Variants in TTC34 observed in about 807,000 individuals in gnomAD.
TTC34 encodes the protein tetratricopeptide repeat domain 34.
TTC34 carries 44 observed loss-of-function variants against 40.7 expected under a neutral mutation model. The observed-to-expected ratio is 1.08, with a 90% CI of 0.85 to 1.39. The LOEUF (loss-of-function observed/expected upper bound fraction) is 1.39, where lower values mean the gene tolerates loss of function less well. Ranked by LOEUF, TTC34 falls within the 40% of genes most tolerant of loss-of-function variation. The pLI is 0.00. For synonymous variants in TTC34, 422 were observed against 398.6 expected, an observed-to-expected ratio of 1.06 and a Z score of -0.70; for missense variants, 884 against 838.0, an observed-to-expected ratio of 1.05 and a Z score of -0.68.
At chr1:2,700,000 G>A (rs1463592648) in intron 6 of TTC34, among the ~76,000 whole-genome samples, 2 of 109,584 alleles carry the variant, frequency 1.8e-5, no homozygotes, top group African/African-American at 5.8e-5. Context: ...ACAGCCTGGA[G>A]CAGCGTCCAC....
At chr1:2,641,293 C>T (rs2100984343) in exon 9 of TTC34, 5 of 1,423,864 alleles carry the variant, frequency 3.5e-6, no homozygotes, top group Non-Finnish European at 4.6e-6. Context: ...GAGCTGGGTA[C>T]ACCCCTGGGC....
chr1:2,753,671 C>G (rs1641403463), intron 6 of TTC34, among the ~76,000 whole-genome samples: 2 of 102,526 alleles, frequency 2.0e-5, no homozygotes, highest in South Asian at 7.1e-4. Context: ...AGGTGAGCAT[C>G]TGAGAGCCTG....
At position 2,760,444 on chromosome 1, in the gene TTC34, C is replaced by A. The variant is rs1414053308; in HGVS notation, c.2226+23165G>T. 1.8e-4 allele frequency among the ~76,000 whole-genome samples: 10 copies of A among 55,432 alleles called. 3 individuals are homozygous for A. Among genetic ancestry groups the A allele is most frequent in the Admixed American group, 5.6e-4 (3 of 5,404 alleles). The allele number at this position is 55,432 out of a possible 152,430, so 36.4% of individuals were successfully genotyped here. The stretch of plus-strand genomic sequence containing the variant: ...CTGACAGCCTGGAGCAGCATCCACA[C>A]ACCCAGGCGAGAATCTGACAGCCTG... On this transcript the variant is annotated intron_variant, in intron 6 of 8. Transcript: ENST00000401095.
chr1:2,691,123 C>G (rs1157667356), intron 6 of TTC34, among the ~76,000 whole-genome samples: 1 of 73,700 alleles, frequency 1.4e-5, no homozygotes, highest in African/African-American at 4.5e-5. Context: ...ATCTGACAGC[C>G]TGGAACAGAA....
intron 6 of TTC34, among the ~76,000 whole-genome samples, chr1:2,686,207 G>A (rs1309136679): frequency 1.4e-5 from 2 of 145,418 alleles, no homozygotes; most frequent in African/African-American, 5.4e-5. Flanking sequence ...ACACCCCCAG[G>A]CGAGCATCTG....
At chr1:2,651,694 T>G (rs1639138715) in intron 6 of TTC34, among the ~76,000 whole-genome samples, 1 of 150,916 alleles carries the variant, frequency 6.6e-6, no homozygotes, top group Non-Finnish European at 1.5e-5. Flanking sequence ...GGTGAGCATC[T>G]GAAACCCTAC....
At chr1:2,673,370 C>T in intron 6 of TTC34, among the ~76,000 whole-genome samples, 1 of 68,898 alleles carries the variant, frequency 1.5e-5, no homozygotes, top group East Asian at 3.3e-4. Flanking sequence ...AGGCGAGCAT[C>T]TGAGGGCCTG....
At chr1:2,751,110 TG>T (rs1641304546) in intron 6 of TTC34, among the ~76,000 whole-genome samples, 1 of 93,138 alleles carries the variant, frequency 1.1e-5, no homozygotes, top group Non-Finnish European at 2.0e-5. Flanking sequence ...TCTGACAGCC[TG>T]GAACAGCACC....
intron 6 of TTC34, among the ~76,000 whole-genome samples, chr1:2,773,031 T>C (rs911376862): frequency 2.1e-5 from 3 of 146,080 alleles, no homozygotes; most frequent in African/African-American, 7.5e-5. Flanking sequence ...CAGGCGAGCA[T>C]CTGACAGCCT....
At chr1:2,768,018 C>T (rs550512341) in intron 6 of TTC34, among the ~76,000 whole-genome samples, 10 of 151,304 alleles carry the variant, frequency 6.6e-5, no homozygotes, top group Admixed American at 2.6e-4. Context: ...AGGTGAGCAT[C>T]TGACAGCATA....
At chr1:2,751,720 A>G (rs1641326919) in intron 6 of TTC34, among the ~76,000 whole-genome samples, 6 of 150,758 alleles carry the variant, frequency 4.0e-5, no homozygotes, top group Middle Eastern at 3.4e-3. Context: ...CTGGAGCAGC[A>G]CCCACACCCC....
intron 6 of TTC34, among the ~76,000 whole-genome samples, chr1:2,657,450 A>G (rs1481620011): frequency 1.1e-5 from 1 of 88,838 alleles, no homozygotes; most frequent in South Asian, 3.3e-4. Flanking sequence ...CTCATGGAGC[A>G]GCACCCACGC....
Position 2,773,152 on chromosome 1 carries a change from C to G in TTC34, c.2226+10457G>C, listed in dbSNP as rs551607358. On this transcript the variant is annotated intron_variant, in intron 6 of 8. Transcript: ENST00000401095. Reference sequence around the variant, plus strand: ...AGCACACACAACCCCAGGCGAGCATCTGACAGCCTGGAGCAGCGCCCACAC... The same window carrying G: ...AGCACACACAACCCCAGGCGAGCATGTGACAGCCTGGAGCAGCGCCCACAC... Among the ~76,000 whole-genome samples the G allele has an allele frequency of 2.1e-4, 31 of 146,544 alleles. No homozygotes were observed. The East Asian group carries it at 5.9e-3, about 28-fold the overall frequency.
At chr1:2,687,926 C>G (rs61765683) in intron 6 of TTC34, among the ~76,000 whole-genome samples, 2 of 133,628 alleles carry the variant, frequency 1.5e-5, no homozygotes. Context: ...AGCACCCACA[C>G]GCCCAGGTGA....
At chr1:2,755,771 A>T (rs1167814160) in intron 6 of TTC34, among the ~76,000 whole-genome samples, 192 of 51,742 alleles carry the variant, frequency 3.7e-3, no homozygotes, top group African/African-American at 9.0e-3. Flanking sequence ...ACAGCCTGGA[A>T]CGGCACCCAC....
At chr1:2,768,307 C>T (rs1330791767) in intron 6 of TTC34, among the ~76,000 whole-genome samples, 1 of 152,142 alleles carries the variant, frequency 6.6e-6, no homozygotes, top group Non-Finnish European at 1.5e-5. Context: ...TGGATGTTCG[C>T]ATGGGGGTGA....
At chr1:2,687,691 A>G (rs1246188623) in intron 6 of TTC34, among the ~76,000 whole-genome samples, 3 of 151,142 alleles carry the variant, frequency 2.0e-5, no homozygotes, top group African/African-American at 7.4e-5. Context: ...GCACACCCCC[A>G]GTTGAGCATC....
exon 5 of TTC34, chr1:2,785,959 C>A: frequency 6.6e-7 from 1 of 1,517,260 alleles, no homozygotes; most frequent in South Asian, 1.2e-5. Flanking sequence ...GTCCTCGTGG[C>A]AGAAGACGTC....
At chr1:2,644,588 T>C in intron 7 of TTC34, 110 bp from the exon 8 acceptor site, 1 of 1,134,510 alleles carries the variant, frequency 8.8e-7, no homozygotes, top group South Asian at 1.5e-5. Flanking sequence ...TGCGGGGAGC[T>C]GATGATGGCT....
Sources: allele counts gnomAD v4.1 joint callset (sites outside exome capture counted in the v4.1 genomes callset), GRCh38; gene constraint gnomAD v4.1.1; transcripts MANE v1.5; gene names NCBI Gene and HGNC (gene_info 2026-07-23, HGNC 2026-07-21).